The following CSMD1 variants were observed in gnomAD, a reference collection of about 807,000 sequenced individuals.
The protein encoded by CSMD1 is CUB and sushi domain-containing protein 1.
A neutral mutation model predicts 417.5 loss-of-function variants in CSMD1; 213 were observed. That is an observed-to-expected ratio of 0.51 (90% CI 0.46 to 0.57). The LOEUF (loss-of-function observed/expected upper bound fraction) is 0.57, where lower values mean the gene tolerates loss of function less well. Among genes scored for constraint, CSMD1 ranks in the 20% least tolerant of loss-of-function variants. CSMD1 has a pLI of 0.00. For synonymous variants in CSMD1, 2,862 were observed against 1,736.8 expected, an observed-to-expected ratio of 1.65 and a Z score of -16.11; for missense variants, 6,923 against 4,529.7, an observed-to-expected ratio of 1.53 and a Z score of -15.17.
intron 1 of CSMD1, among the ~76,000 whole-genome samples, chr8:4,743,873 A>G (rs1467363771): frequency 2.0e-5 from 3 of 152,106 alleles, no homozygotes; most frequent in Non-Finnish European, 4.4e-5. Context: ...TTCCCACTCA[A>G]GTTCTAGTTG....
intron 19 of CSMD1, among the ~76,000 whole-genome samples, 169 bp downstream of exon 19, chr8:3,369,085 A>G (rs545509061): frequency 7.2e-5 from 11 of 152,256 alleles, no homozygotes; most frequent in Non-Finnish European, 1.5e-4. Context: ...GTACAGTTGA[A>G]AGACTATTGT....
intron 1 of CSMD1, among the ~76,000 whole-genome samples, chr8:4,689,344 C>T (rs965102811): frequency 2.0e-5 from 3 of 152,158 alleles, no homozygotes; most frequent in African/African-American, 4.8e-5. Context: ...TCATAATGCT[C>T]ATTTCCAGAA....
chr8:4,187,083 C>T (rs1283491210), intron 3 of CSMD1, among the ~76,000 whole-genome samples: 1 of 152,204 alleles, frequency 6.6e-6, no homozygotes, highest in Non-Finnish European at 1.5e-5. Context: ...CAAACATTAT[C>T]TCTAAGGTCC....
chr8:3,684,809 A>G (rs1056404153), intron 7 of CSMD1, among the ~76,000 whole-genome samples: 2 of 152,070 alleles, frequency 1.3e-5, no homozygotes, highest in African/African-American at 4.8e-5. Context: ...TCTCCTTGCT[A>G]TAGATCATAT....
chr8:4,730,764 G>C (rs550287283), intron 1 of CSMD1, among the ~76,000 whole-genome samples: 1 of 149,998 alleles, frequency 6.7e-6, no homozygotes, highest in African/African-American at 2.5e-5. Flanking sequence ...AAAAAAAAAA[G>C]AATAAAGGAA....
At chr8:4,772,079 T>C (rs1796627250) in intron 1 of CSMD1, among the ~76,000 whole-genome samples, 1 of 152,230 alleles carries the variant, frequency 6.6e-6, no homozygotes, top group Non-Finnish European at 1.5e-5. Flanking sequence ...GCTGTATTTC[T>C]TCCTGCAGGC....
At chr8:3,540,921 A>T (rs956192025) in intron 10 of CSMD1, among the ~76,000 whole-genome samples, 2 of 152,214 alleles carry the variant, frequency 1.3e-5, no homozygotes, top group Non-Finnish European at 2.9e-5. Flanking sequence ...ACTCTTTTAC[A>T]CTGTTGGTGG....
intron 3 of CSMD1, 144 bp downstream of exon 3, chr8:4,419,809 C>T (rs1018197868): frequency 1.9e-6 from 1 of 518,114 alleles, no homozygotes; most frequent in Non-Finnish European, 3.6e-6. Context: ...TTACCAAATG[C>T]CATTGCATTA....
At chr8:3,914,569 T>G (rs1808686216) in intron 5 of CSMD1, among the ~76,000 whole-genome samples, 1 of 152,182 alleles carries the variant, frequency 6.6e-6, no homozygotes, top group Non-Finnish European at 1.5e-5. Context: ...AATGGCAGTT[T>G]ACTCCTTAAA....
At chr8:3,548,846 C>T (rs1444406488) in intron 10 of CSMD1, among the ~76,000 whole-genome samples, 1 of 152,118 alleles carries the variant, frequency 6.6e-6, no homozygotes, top group Non-Finnish European at 1.5e-5. Flanking sequence ...GGAGGGCAGG[C>T]AGGGTGCTCC....
chr8:3,335,776 C>T (rs767973623), intron 23 of CSMD1, among the ~76,000 whole-genome samples: 3 of 152,194 alleles, frequency 2.0e-5, no homozygotes, highest in African/African-American at 4.8e-5. Flanking sequence ...ATGTTCTATA[C>T]AATGTCACTA....
intron 1 of CSMD1, among the ~76,000 whole-genome samples, chr8:4,960,537 G>A (rs1028828592): frequency 7.9e-5 from 12 of 152,136 alleles, no homozygotes; most frequent in Non-Finnish European, 1.5e-5. Context: ...TTAAGCGCTT[G>A]TACATCTTAT....
intron 3 of CSMD1, among the ~76,000 whole-genome samples, chr8:4,220,115 G>T (rs150295229): frequency 6.6e-6 from 1 of 151,944 alleles, no homozygotes; most frequent in Non-Finnish European, 1.5e-5. Context: ...ATGCCCAGCT[G>T]ATTTTTTGTA....
chr8:4,030,885 C>T (rs958607511), intron 4 of CSMD1, among the ~76,000 whole-genome samples: 1 of 152,188 alleles, frequency 6.6e-6, no homozygotes, highest in Non-Finnish European at 1.5e-5. Context: ...AATCATCTCT[C>T]TCAAGTTCAA....
intron 25 of CSMD1, among the ~76,000 whole-genome samples, chr8:3,301,659 C>A (rs530208658): frequency 6.6e-6 from 1 of 152,110 alleles, no homozygotes; most frequent in Non-Finnish European, 1.5e-5. Flanking sequence ...TTTCTTTGTC[C>A]TGAAGTCGAA....
intron 2 of CSMD1, among the ~76,000 whole-genome samples, chr8:4,505,638 C>G (rs913610390): frequency 1.3e-5 from 2 of 152,010 alleles, no homozygotes; most frequent in East Asian, 1.9e-4. Flanking sequence ...CTAACATGAC[C>G]AAAACTTGCA....
intron 12 of CSMD1, among the ~76,000 whole-genome samples, chr8:3,461,847 G>A (rs1366204634): frequency 1.3e-5 from 2 of 152,222 alleles, no homozygotes; most frequent in African/African-American, 4.8e-5. Context: ...AGTGCACTGT[G>A]AGCAGAGACC....
intron 3 of CSMD1, among the ~76,000 whole-genome samples, chr8:4,226,146 T>A (rs1304159661): frequency 6.6e-6 from 1 of 151,890 alleles, no homozygotes; most frequent in Non-Finnish European, 1.5e-5. Context: ...GAGAGTTTCA[T>A]TTTTCTGTTA....
At chr8:4,013,560 A>C (rs1397986250) in intron 4 of CSMD1, among the ~76,000 whole-genome samples, 2 of 152,200 alleles carry the variant, frequency 1.3e-5, no homozygotes, top group African/African-American at 4.8e-5. Flanking sequence ...CTTCTCAGTG[A>C]GAACACTTAC....
Sources: allele counts gnomAD v4.1 joint callset (sites outside exome capture counted in the v4.1 genomes callset), GRCh38; gene constraint gnomAD v4.1.1; transcripts MANE v1.5; gene names NCBI Gene and HGNC (gene_info 2026-07-23, HGNC 2026-07-21).